LMO7: variants seen among roughly 807,000 people sequenced by gnomAD.
The protein encoded by LMO7 is LIM domain only protein 7.
Under a neutral mutation model 206.5 loss-of-function variants are expected in LMO7, and 120 were observed. The observed-to-expected ratio is 0.58, with a 90% CI of 0.50 to 0.68. LMO7 has a LOEUF of 0.68. Ranked by LOEUF, LMO7 falls within the 30% of genes least tolerant of loss-of-function variation. The pLI is 0.00. For synonymous variants in LMO7, 706 were observed against 681.5 expected (o/e 1.04, Z -0.56); for missense variants, 1,959 against 1,957.9 (o/e 1.00, Z -0.01).
chr13:75,760,293 G>A (rs192293023), intron 3 of LMO7: 2 of 917,390 alleles, frequency 2.2e-6, no homozygotes, highest in East Asian at 2.3e-4. Context: ...GGCAGCTCTT[G>A]AGGCAGGTGC....
At chr13:75,689,453 T>C (rs2041276367) in intron 1 of LMO7, among the ~76,000 whole-genome samples, 1 of 152,100 alleles carries the variant, frequency 6.6e-6, no homozygotes, top group Non-Finnish European at 1.5e-5. Flanking sequence ...TGATGGTTAA[T>C]ATTGAGTGTC....
In LMO7 at chr13:75,853,252, A is replaced by G. The variant is rs1395255465; in HGVS notation, c.4525A>G (p.Asn1509Asp). 2 of 1,614,026 alleles carry G rather than the reference A, an allele frequency of 1.2e-6. No individual in the cohort carries two copies. ...VSTSNRAYMR[N>D]PSSSVPPPSA... ...CACATCAAACCGTGCCTACATGCGGAACCCCTCCTCCAGCGTGCCCCCACC... is the reference window on the plus strand; with the variant it reads ...CACATCAAACCGTGCCTACATGCGGGACCCCTCCTCCAGCGTGCCCCCACC... Residue 1509 changes from asparagine (N) to aspartate (D), a missense_variant, in exon 28 of 31, where the codon AAC (asparagine) becomes GAC (aspartate). Asn to Asp is a conservative substitution (Grantham distance 23). Coordinates refer to ENST00000377534, the MANE Select transcript of LMO7 (RefSeq NM_001306080.2).
At chr13:75,696,975 A>C (rs1459161766) in intron 1 of LMO7, among the ~76,000 whole-genome samples, 1 of 152,110 alleles carries the variant, frequency 6.6e-6, no homozygotes, top group Non-Finnish European at 1.5e-5. Flanking sequence ...CTGGTGATCC[A>C]CATTTTTGAT....
chr13:75,756,365 T>C (rs2047685090), intron 3 of LMO7, among the ~76,000 whole-genome samples: 1 of 152,200 alleles, frequency 6.6e-6, no homozygotes. Context: ...TAGAGAATCA[T>C]GAAATTAAGA....
intron 1 of LMO7, among the ~76,000 whole-genome samples, chr13:75,649,229 A>G (rs2037330214): frequency 6.6e-6 from 1 of 152,152 alleles, no homozygotes; most frequent in African/African-American, 2.4e-5. Flanking sequence ...ATGATGTTAG[A>G]ATCTGTTTTA....
intron 1 of LMO7, chr13:75,688,586 T>G (rs1415290614): frequency 6.6e-6 from 1 of 152,452 alleles, no homozygotes; most frequent in Non-Finnish European, 1.5e-5. Flanking sequence ...GTTTCCCATC[T>G]ATTCTTTGCA....
chr13:75,683,756 G>T (rs1358310331), intron 1 of LMO7, among the ~76,000 whole-genome samples: 1 of 152,164 alleles, frequency 6.6e-6, no homozygotes, highest in African/African-American at 2.4e-5. Context: ...ATCAATACAT[G>T]TAAGATTTAC....
intron 1 of LMO7, among the ~76,000 whole-genome samples, chr13:75,695,144 G>A (rs1292460871): frequency 1.6e-4 from 25 of 152,276 alleles, no homozygotes; most frequent in Non-Finnish European, 1.5e-5. Flanking sequence ...GTACTTGTAG[G>A]CTAGAAGGCA....
intron 7 of LMO7, among the ~76,000 whole-genome samples, chr13:75,802,594 A>T (rs9600553): frequency 0.01 from 1,567 of 152,324 alleles, 26 homozygotes; most frequent in East Asian, 0.068. Context: ...GTCTTCTCAG[A>T]TCCTTGTTGG....
intron 24 of LMO7, 70 bp from the exon 25 acceptor site, chr13:75,842,781 C>T: frequency 2.2e-6 from 2 of 908,090 alleles, no homozygotes; most frequent in Admixed American, 1.9e-5. Flanking sequence ...ATTTTGATAC[C>T]CTTTTCTTAA....
chr13:75,820,190 G>C (rs888168451), intron 13 of LMO7, among the ~76,000 whole-genome samples: 9 of 152,218 alleles, frequency 5.9e-5, no homozygotes, highest in African/African-American at 1.9e-4. Context: ...TGCCCTAAAA[G>C]CCAAAGATAA....
chr13:75,726,929 T>G, intron 2 of LMO7, 100 bp from the exon 3 acceptor site: 1 of 711,384 alleles, frequency 1.4e-6, no homozygotes, highest in Admixed American at 2.1e-5. Context: ...GTATAACACA[T>G]TGAGGGGAGG....
At chr13:75,825,458 G>A (rs1016395847) in intron 15 of LMO7, among the ~76,000 whole-genome samples, 1 of 152,066 alleles carries the variant, frequency 6.6e-6, no homozygotes, top group Admixed American at 6.6e-5. Flanking sequence ...TGTGGTGCGT[G>A]GTTGTGTCTC....
chr13:75,724,631 G>C (rs1181932662), intron 2 of LMO7, among the ~76,000 whole-genome samples: 1 of 152,080 alleles, frequency 6.6e-6, no homozygotes, highest in Non-Finnish European at 1.5e-5. Flanking sequence ...TAATCCTCTA[G>C]GCAGACTTAA....
chr13:75,766,250 T>TC (rs1470980217), intron 4 of LMO7, among the ~76,000 whole-genome samples: 1 of 151,642 alleles, frequency 6.6e-6, no homozygotes. Flanking sequence ...TTTTTTTTTT[T>TC]TTTTTTTATG....
upstream of LMO7, among the ~76,000 whole-genome samples, chr13:75,633,069 C>T (rs1304474605): frequency 1.3e-5 from 2 of 151,696 alleles, no homozygotes; most frequent in African/African-American, 4.9e-5. Flanking sequence ...TTCACCATGT[C>T]GGCCAGGCTG....
intron 2 of LMO7, among the ~76,000 whole-genome samples, chr13:75,716,081 T>G (rs2043507711): frequency 6.6e-6 from 1 of 152,192 alleles, no homozygotes; most frequent in Non-Finnish European, 1.5e-5. Flanking sequence ...CAGGTTCTGC[T>G]TGTTGCCTAT....
chr13:75,795,991 CAT>C (rs1403019033), intron 5 of LMO7, among the ~76,000 whole-genome samples: 15 of 152,214 alleles, frequency 9.9e-5, no homozygotes, highest in Admixed American at 2.6e-4. Context: ...AATTTAAAAA[CAT>C]ATTGTTAGAG....
chr13:75,811,518 C>T (rs1253619990), intron 11 of LMO7, among the ~76,000 whole-genome samples: 1 of 152,202 alleles, frequency 6.6e-6, no homozygotes, highest in East Asian at 1.9e-4. Context: ...AGCATTATTG[C>T]TCAACATGCT....
Sources: allele counts gnomAD v4.1 joint callset (sites outside exome capture counted in the v4.1 genomes callset), GRCh38; gene constraint gnomAD v4.1.1; transcripts MANE v1.5; gene names NCBI Gene and HGNC (gene_info 2026-07-23, HGNC 2026-07-21).